SAMMSON: variants seen among roughly 807,000 people sequenced by gnomAD.
SAMMSON encodes the protein survival associated mitochondrial melanoma specific oncogenic non-coding RNA.
intron 4 of SAMMSON, among the ~76,000 whole-genome samples, chr3:70,192,421 G>A (rs905359213): frequency 3.9e-5 from 6 of 152,168 alleles, no homozygotes; most frequent in Non-Finnish European, 5.9e-5. Context: ...GTAGTCCAGG[G>A]CCATGGGCCC....
intron 3 of SAMMSON, chr3:70,068,138 A>C (rs931010486): frequency 6.6e-6 from 1 of 152,036 alleles, no homozygotes; most frequent in Admixed American, 6.6e-5. Flanking sequence ...CAAACTAAGA[A>C]TAACTCTTTT....
intron 4 of SAMMSON, among the ~76,000 whole-genome samples, chr3:70,081,496 C>T (rs1346649169): frequency 6.6e-6 from 1 of 152,192 alleles, no homozygotes; most frequent in Non-Finnish European, 1.5e-5. Context: ...CTGTAAGCTC[C>T]ATGAAGACAG....
At chr3:70,332,897 A>C (rs1196652828) in intron 7 of SAMMSON, 1 of 152,390 alleles carries the variant, frequency 6.6e-6, no homozygotes, top group African/African-American at 2.4e-5. Context: ...CCCAGCTGGC[A>C]CCAGGTAAGT....
intron 7 of SAMMSON, among the ~76,000 whole-genome samples, chr3:70,344,348 G>A (rs1575630034): frequency 2.6e-5 from 4 of 152,198 alleles, no homozygotes; most frequent in Admixed American, 2.6e-4. Context: ...GAGGAGTTTG[G>A]CTTGGGATGG....
intron 7 of SAMMSON, among the ~76,000 whole-genome samples, chr3:70,346,433 G>A (rs1385336306): frequency 6.6e-6 from 1 of 151,146 alleles, no homozygotes; most frequent in Non-Finnish European, 1.5e-5. Context: ...ACATTTAAGT[G>A]TATGATACAT....
chr3:70,242,825 G>C (rs1701675407), intron 4 of SAMMSON, among the ~76,000 whole-genome samples: 1 of 152,098 alleles, frequency 6.6e-6, no homozygotes, highest in South Asian at 2.1e-4. Context: ...TTTTTGTCTG[G>C]TGGGTGGCTG....
intron 4 of SAMMSON, among the ~76,000 whole-genome samples, chr3:70,121,025 C>G (rs1306278415): frequency 6.6e-6 from 1 of 152,102 alleles, no homozygotes; most frequent in Non-Finnish European, 1.5e-5. Context: ...AATGGTAAGC[C>G]GTATCTGGGG....
At chr3:70,342,399 C>T (rs1225249991) in intron 7 of SAMMSON, among the ~76,000 whole-genome samples, 1 of 152,172 alleles carries the variant, frequency 6.6e-6, no homozygotes, top group Non-Finnish European at 1.5e-5. Flanking sequence ...CTTAGCATAA[C>T]TGCTTAGCTG....
intron 4 of SAMMSON, among the ~76,000 whole-genome samples, chr3:70,091,197 A>G (rs1290586876): frequency 1.3e-5 from 2 of 152,204 alleles, no homozygotes; most frequent in Non-Finnish European, 2.9e-5. Context: ...AGGCTGCAAC[A>G]TGGCACAGTC....
intron 7 of SAMMSON, among the ~76,000 whole-genome samples, chr3:70,348,518 A>C (rs1259408467): frequency 5.3e-5 from 8 of 152,258 alleles, no homozygotes; most frequent in South Asian, 4.2e-4. Flanking sequence ...CCATCCCCTT[A>C]TAAGAGCCCT....
chr3:70,207,035 T>G (rs911478929), intron 4 of SAMMSON, among the ~76,000 whole-genome samples: 2 of 75,392 alleles, frequency 2.7e-5, no homozygotes, highest in Non-Finnish European at 5.0e-5. Flanking sequence ...TATTTCTACT[T>G]TTTTTTTTTT....
At chr3:70,390,255 G>A (rs937592476), downstream of SAMMSON, among the ~76,000 whole-genome samples, 4 of 151,988 alleles carry the variant, frequency 2.6e-5, no homozygotes, top group Admixed American at 2.6e-4. Flanking sequence ...TTTATTTAAG[G>A]TTCTAAGTTT....
chr3:70,315,795 C>G (rs546063791), intron 7 of SAMMSON, among the ~76,000 whole-genome samples: 1 of 152,084 alleles, frequency 6.6e-6, no homozygotes, highest in Admixed American at 6.6e-5. Context: ...GACTGGGAAA[C>G]CACAGAGACC....
intron 4 of SAMMSON, among the ~76,000 whole-genome samples, chr3:70,100,016 C>A (rs1321547786): frequency 6.6e-6 from 1 of 152,156 alleles, no homozygotes; most frequent in Non-Finnish European, 1.5e-5. Flanking sequence ...AATGGCCTAC[C>A]AGAAATGGCT....
At chr3:70,367,787 T>C (rs1334368089) in intron 9 of SAMMSON, among the ~76,000 whole-genome samples, 1 of 151,682 alleles carries the variant, frequency 6.6e-6, no homozygotes, top group East Asian at 1.9e-4. Context: ...TTTTAGACTT[T>C]TGAGGAAATT....
At chr3:70,171,502 T>C (rs998578974) in intron 4 of SAMMSON, among the ~76,000 whole-genome samples, 1 of 151,890 alleles carries the variant, frequency 6.6e-6, no homozygotes, top group African/African-American at 2.4e-5. Flanking sequence ...TAAAAATACA[T>C]TTTCAAAATG....
rs191363990 is a variant in SAMMSON, at chr3:70,428,312, A to G, written n.234-34248A>G. On this transcript the variant is annotated intron_variant and non_coding_transcript_variant, in intron 2 of 3. Coordinates refer to the SAMMSON transcript ENST00000641053. Reference sequence around the variant, plus strand: ...CCAAAAAAATTTTTTTGAAGAAGAAAGAGTTAGAAGGCTAATACTACCCGA... The same window carrying G: ...CCAAAAAAATTTTTTTGAAGAAGAAGGAGTTAGAAGGCTAATACTACCCGA... Among the ~76,000 whole-genome samples, 243 of 152,316 alleles carry G rather than the reference A, an allele frequency of 1.6e-3. 1 individual carries two copies. The highest frequency in any genetic ancestry group is 2.2e-3 in the Non-Finnish European group (147 of 68,010).
At chr3:70,092,297 A>G (rs2067307626) in intron 4 of SAMMSON, among the ~76,000 whole-genome samples, 1 of 151,990 alleles carries the variant, frequency 6.6e-6, no homozygotes, top group African/African-American at 2.4e-5. Flanking sequence ...ATATGTATTC[A>G]TGGGTATATG....
intron 4 of SAMMSON, among the ~76,000 whole-genome samples, chr3:70,176,253 C>T (rs1413818883): frequency 6.6e-6 from 1 of 152,098 alleles, no homozygotes; most frequent in Non-Finnish European, 1.5e-5. Context: ...CAGGGTTATA[C>T]CTGTAAGAGG....
Sources: gnomAD v4.1 joint callset for allele counts (sites outside exome capture counted in the v4.1 genomes callset) on GRCh38, gnomAD v4.1.1 for gene constraint, MANE v1.5 for transcripts, NCBI Gene and HGNC (gene_info 2026-07-23, HGNC 2026-07-21) for gene names.